The following OR1J2 variants were observed in gnomAD, a reference collection of about 807,000 sequenced individuals.
OR1J2 encodes the protein olfactory receptor 1J2.
For missense variants in OR1J2, 304 were observed against 246.1 expected, an observed-to-expected ratio of 1.24 and a Z score of -1.57; for synonymous variants, 142 against 99.7, an observed-to-expected ratio of 1.42 and a Z score of -2.52.
chr9:122,460,138 G>A, the OR1J2 span, among the ~76,000 whole-genome samples: 1 of 151,552 alleles, frequency 6.6e-6, no homozygotes. Context: ...TCCTTTTTAT[G>A]GCTGAGCAGT....
the OR1J2 span, among the ~76,000 whole-genome samples, chr9:122,459,835 C>G: frequency 1.3e-5 from 2 of 152,020 alleles, no homozygotes; most frequent in Non-Finnish European, 2.9e-5. Flanking sequence ...GGTCTTTGCT[C>G]CCTTCCACCC....
chr9:122,553,390 C>G, the OR1J2 span: 1 of 1,614,164 alleles, frequency 6.2e-7, no homozygotes, highest in Non-Finnish European at 8.5e-7. Context: ...CACCTCCATA[C>G]TCCCATGTAC....
the OR1J2 span, among the ~76,000 whole-genome samples, chr9:122,468,537 T>A: frequency 6.6e-6 from 1 of 152,226 alleles, no homozygotes; most frequent in East Asian, 1.9e-4. Flanking sequence ...AAACTCTTTT[T>A]TTTTTCTCTT....
the OR1J2 span, among the ~76,000 whole-genome samples, chr9:122,454,186 G>A: frequency 2.0e-5 from 3 of 152,192 alleles, no homozygotes; most frequent in African/African-American, 7.2e-5. Context: ...GAGAGAAACA[G>A]CTAAGAATAT....
chr9:122,546,459 G>A, the OR1J2 span, among the ~76,000 whole-genome samples: 6 of 152,214 alleles, frequency 3.9e-5, no homozygotes, highest in South Asian at 2.1e-4. Context: ...TTGCTCGCAC[G>A]GTGCTTGCTT....
the OR1J2 span, among the ~76,000 whole-genome samples, chr9:122,455,155 A>G: frequency 6.6e-6 from 1 of 152,156 alleles, no homozygotes; most frequent in African/African-American, 2.4e-5. Context: ...CTTTTTGGCT[A>G]TTGTTAGTAG....
chr9:122,458,903 A>G, the OR1J2 span, among the ~76,000 whole-genome samples: 1 of 152,068 alleles, frequency 6.6e-6, no homozygotes, highest in African/African-American at 2.4e-5. Context: ...ATATGTTCCA[A>G]CATTTCATAT....
the OR1J2 span, among the ~76,000 whole-genome samples, chr9:122,461,444 C>A: frequency 6.6e-6 from 1 of 150,656 alleles, no homozygotes; most frequent in South Asian, 2.1e-4. Context: ...TTGGTTATTT[C>A]TTTTCTTCTG....
At chr9:122,451,381 C>T in the OR1J2 span, among the ~76,000 whole-genome samples, 4 of 151,960 alleles carry the variant, frequency 2.6e-5, no homozygotes, top group Admixed American at 2.6e-4. Context: ...GATGGGGTTT[C>T]TCCATGTTGG....
At chr9:122,472,325 G>T in the OR1J2 span, among the ~76,000 whole-genome samples, 2 of 152,208 alleles carry the variant, frequency 1.3e-5, no homozygotes, top group African/African-American at 2.4e-5. Context: ...AATTTTACAG[G>T]ACAAGTTATA....
chr9:122,477,946 C>T, the OR1J2 span: 1 of 1,542,284 alleles, frequency 6.5e-7, no homozygotes, highest in South Asian at 1.2e-5. Flanking sequence ...AGCTGGAGGG[C>T]ACTAGGGAAA....
chr9:122,493,539 G>A, the OR1J2 span, among the ~76,000 whole-genome samples: 5 of 152,116 alleles, frequency 3.3e-5, no homozygotes, highest in Admixed American at 3.3e-4. Flanking sequence ...TGTGGTATCA[G>A]TGGTAATAGC....
chr9:122,544,415 C>CTTTTTTTTTTTTTTT, the OR1J2 span, among the ~76,000 whole-genome samples: 1 of 85,356 alleles, frequency 1.2e-5, no homozygotes, highest in Non-Finnish European at 2.2e-5. Context: ...CCTCTTTTTT[C>CTTTTTTTTTTTTTTT]TTTTTTTTTT....
the OR1J2 span, among the ~76,000 whole-genome samples, chr9:122,448,462 C>A: frequency 3.9e-5 from 6 of 152,134 alleles, no homozygotes; most frequent in African/African-American, 1.4e-4. Flanking sequence ...ATCTCAACTG[C>A]AAGAGGCCTT....
chr9:122,536,359 G>A, the OR1J2 span, among the ~76,000 whole-genome samples: 3 of 152,124 alleles, frequency 2.0e-5, no homozygotes, highest in Non-Finnish European at 4.4e-5. Context: ...TTATGCTTCT[G>A]GTTAATGATG....
chr9:122,551,292 T>C, the OR1J2 span, among the ~76,000 whole-genome samples: 45,752 of 152,008 alleles, frequency 0.3, 7,410 homozygotes, highest in East Asian at 0.54. Flanking sequence ...GGGATTCCAC[T>C]CTCTCCACTT....
At position 122,510,927 on chromosome 9, in the gene OR1J2, C is replaced by G. The variant is rs1179912293; in HGVS notation, c.126C>G (p.Asn42Lys). 1 of 1,612,412 alleles carries G rather than the reference C, an allele frequency of 6.2e-7. No homozygotes were observed. The highest frequency in any genetic ancestry group is 8.5e-7 in the Non-Finnish European group (1 of 1,178,584). The change falls in exon 1 of 1, where the codon AAC becomes AAG. Residue 42 changes from asparagine to lysine, a missense_variant. Coordinates refer to ENST00000335302, the MANE Select transcript of OR1J2 (RefSeq NM_054107.1). ...TGTACCTGACCACGGTGCTGGGGAA[C>G]CTGCTCATCATGCTGCTCATCCAGC... ...LGMYLTTVLG[N>K]LLIMLLIQLD...
At chr9:122,542,489 A>G in the OR1J2 span, among the ~76,000 whole-genome samples, 1 of 152,228 alleles carries the variant, frequency 6.6e-6, no homozygotes, top group African/African-American at 2.4e-5. Context: ...CAACAGAACT[A>G]GTAGTTTCAG....
chr9:122,541,252 A>C, the OR1J2 span, among the ~76,000 whole-genome samples: 2 of 152,204 alleles, frequency 1.3e-5, no homozygotes, highest in Admixed American at 1.3e-4. Context: ...AGATGCATGA[A>C]AACTAAATCC....
Sources: allele counts gnomAD v4.1 joint callset (sites outside exome capture counted in the v4.1 genomes callset), GRCh38; gene constraint gnomAD v4.1.1; transcripts MANE v1.5; gene names NCBI Gene and HGNC (gene_info 2026-07-23, HGNC 2026-07-21).